Variants in ZNF804B observed in about 807,000 individuals in gnomAD.
ZNF804B encodes zinc finger protein 804B, also known as zinc finger 804B.
ZNF804B carries 80 observed loss-of-function variants against 101.4 expected under a neutral mutation model. The observed-to-expected ratio is 0.79, with a 90% CI of 0.66 to 0.95. The LOEUF is 0.95. Ranked by LOEUF, ZNF804B falls within the 40% of genes least tolerant of loss-of-function variation. ZNF804B has a pLI of 0.00. For missense variants in ZNF804B, 1,673 were observed against 1,561.9 expected, an observed-to-expected ratio of 1.07 and a Z score of -1.20; for synonymous variants, 622 against 558.8, an observed-to-expected ratio of 1.11 and a Z score of -1.59.
chr7:89,250,600 C>T (rs912701911), intron 2 of ZNF804B, among the ~76,000 whole-genome samples: 3 of 152,114 alleles, frequency 2.0e-5, no homozygotes, highest in African/African-American at 7.2e-5. Context: ...ACAAAACCAG[C>T]ATCCCCCGAT....
chr7:88,837,485 CAT>C (rs1405495599), intron 1 of ZNF804B, among the ~76,000 whole-genome samples: 1 of 151,812 alleles, frequency 6.6e-6, no homozygotes, highest in East Asian at 1.9e-4. Context: ...TCAGTGAAAT[CAT>C]ATTTTTCAGT....
intron 1 of ZNF804B, among the ~76,000 whole-genome samples, chr7:88,862,680 A>T (rs1791667430): frequency 6.6e-6 from 1 of 152,180 alleles, no homozygotes; most frequent in Non-Finnish European, 1.5e-5. Context: ...GTAATTTCCC[A>T]GTCAGAAAAT....
At position 89,334,921 on chromosome 7, in the gene ZNF804B, G is replaced by A. The variant is rs777479339; in HGVS notation, c.1939G>A (p.Glu647Lys). 1 of 1,613,872 alleles carries A rather than the reference G, an allele frequency of 6.2e-7. No homozygotes were observed. The highest frequency in any genetic ancestry group is 2.2e-5 in the East Asian group (1 of 44,854). ...ATTGATTCCCTGCAGTCCTCATTTGGAATTTGAAGATGAAAGACAATTCAA... is the reference window on the plus strand; with the variant it reads ...ATTGATTCCCTGCAGTCCTCATTTGAAATTTGAAGATGAAAGACAATTCAA... ...HKLIPCSPHL[E>K]FEDERQFNCK... The change falls in exon 4 of 4, where the codon GAA becomes AAA. Residue 647 changes from glutamate (E) to lysine (K), a missense_variant. By Grantham distance (56) the Glu-to-Lys change is moderately conservative (BLOSUM62 1). Coordinates refer to ENST00000333190, the MANE Select transcript of ZNF804B (RefSeq NM_181646.5).
Position 88,882,927 on chromosome 7 carries a change from A to T in ZNF804B, c.108+122843A>T, listed in dbSNP as rs575653224. 2.3e-4 allele frequency among the ~76,000 whole-genome samples: 35 copies of T among 152,168 alleles called. No individual in the cohort carries two copies. In the South Asian group the frequency reaches 4.2e-3, roughly 18 times the overall value. The stretch of plus-strand genomic sequence containing the variant: ...GAGTACTATGCACCTGGGTCACAGG[A>T]TCACTCATATCTCAAACCTCAGTGT... On this transcript the variant is annotated intron_variant, in intron 1 of 3. Coordinates refer to ENST00000333190, the MANE Select transcript of ZNF804B (RefSeq NM_181646.5).
At chr7:89,027,707 C>T (rs1204048687) in intron 1 of ZNF804B, among the ~76,000 whole-genome samples, 2 of 152,126 alleles carry the variant, frequency 1.3e-5, no homozygotes, top group Admixed American at 1.3e-4. Flanking sequence ...CGAAGAAGGT[C>T]ATGAAAGCTC....
chr7:89,261,136 T>A (rs1767108429), intron 2 of ZNF804B, among the ~76,000 whole-genome samples: 1 of 152,106 alleles, frequency 6.6e-6, no homozygotes, highest in East Asian at 1.9e-4. Context: ...AGCAATAGAG[T>A]AAGTACTATA....
chr7:88,877,997 C>G (rs1450468207), intron 1 of ZNF804B, among the ~76,000 whole-genome samples: 1 of 151,974 alleles, frequency 6.6e-6, no homozygotes, highest in Non-Finnish European at 1.5e-5. Context: ...CTGAAAAATA[C>G]TATTGTAAAA....
At chr7:88,865,351 G>A (rs1445336509) in intron 1 of ZNF804B, among the ~76,000 whole-genome samples, 1 of 151,926 alleles carries the variant, frequency 6.6e-6, no homozygotes, top group Non-Finnish European at 1.5e-5. Context: ...GGGCAACATA[G>A]GGAAACCTTG....
intron 1 of ZNF804B, among the ~76,000 whole-genome samples, chr7:89,204,573 G>C (rs140111535): frequency 1.3e-5 from 2 of 152,256 alleles, no homozygotes; most frequent in African/African-American, 4.8e-5. Flanking sequence ...GGGTTGCAAA[G>C]GGTTGGTCTC....
At chr7:88,923,292 A>G (rs989982736) in intron 1 of ZNF804B, among the ~76,000 whole-genome samples, 3 of 152,088 alleles carry the variant, frequency 2.0e-5, no homozygotes, top group African/African-American at 4.8e-5. Flanking sequence ...ATGATTTCTC[A>G]TCAGTGGACC....
At chr7:88,970,790 G>C (rs1409966454) in intron 1 of ZNF804B, among the ~76,000 whole-genome samples, 1 of 135,818 alleles carries the variant, frequency 7.4e-6, no homozygotes, top group Non-Finnish European at 1.6e-5. Context: ...GACACAGGAA[G>C]GGGAACATCA....
intron 1 of ZNF804B, among the ~76,000 whole-genome samples, chr7:88,786,634 A>G (rs1586901855): frequency 6.6e-6 from 1 of 152,206 alleles, no homozygotes; most frequent in African/African-American, 2.4e-5. Context: ...TATTTCAACA[A>G]AGAATAAAAT....
Position 89,334,429 on chromosome 7 carries a change from A to C in ZNF804B, c.1447A>C (p.Lys483Gln). 6.2e-7 allele frequency: 1 copy of C among 1,613,724 alleles called. No individual in the cohort carries two copies. The highest frequency in any genetic ancestry group is 8.5e-7 in the Non-Finnish European group (1 of 1,179,822). The change falls in exon 4 of 4, where the codon AAG (lysine) becomes CAG (glutamine). Residue 483 changes from lysine to glutamine, a missense_variant. Physicochemically the swap from Lys to Gln is moderately conservative, Grantham distance 53. Transcript: ENST00000333190. ...YGCNPLYFDFKLSRNTKEDHN... is the reference protein window; with the variant it reads ...YGCNPLYFDFQLSRNTKEDHN... The stretch of plus-strand genomic sequence containing the variant: ...CTGCAACCCACTGTATTTTGATTTT[A>C]AGCTTTCTCGGAACACAAAGGAAGA...
chr7:89,277,320 T>C (rs1290076973), intron 2 of ZNF804B, among the ~76,000 whole-genome samples: 1 of 148,374 alleles, frequency 6.7e-6, no homozygotes, highest in Non-Finnish European at 1.5e-5. Flanking sequence ...GTTTTTTTCT[T>C]TTTTTTTTCT....
chr7:88,816,431 C>T (rs1174443453), intron 1 of ZNF804B, among the ~76,000 whole-genome samples: 1 of 152,146 alleles, frequency 6.6e-6, no homozygotes, highest in Non-Finnish European at 1.5e-5. Flanking sequence ...AAACTACCAT[C>T]AGAGTGAACA....
At chr7:88,837,488 A>T (rs1791230951) in intron 1 of ZNF804B, among the ~76,000 whole-genome samples, 1 of 151,928 alleles carries the variant, frequency 6.6e-6, no homozygotes, top group Admixed American at 6.6e-5. Context: ...GTGAAATCAT[A>T]TTTTTCAGTG....
intron 2 of ZNF804B, among the ~76,000 whole-genome samples, chr7:89,304,981 C>G (rs542896444): frequency 6.6e-6 from 1 of 152,006 alleles, no homozygotes; most frequent in East Asian, 1.9e-4. Flanking sequence ...GCAAGACGGA[C>G]TTGCATTAGA....
intron 1 of ZNF804B, among the ~76,000 whole-genome samples, chr7:89,041,599 G>A (rs562304629): frequency 8.1e-4 from 123 of 152,172 alleles, no homozygotes; most frequent in Non-Finnish European, 1.6e-3. Flanking sequence ...CTGAGACCAC[G>A]GGGCCTTGCC....
At chr7:88,950,313 C>T (rs919647649) in intron 1 of ZNF804B, among the ~76,000 whole-genome samples, 1 of 151,868 alleles carries the variant, frequency 6.6e-6, no homozygotes, top group Admixed American at 6.6e-5. Context: ...TGTAACTAAA[C>T]TGTCTCTGCC....
Sources: gnomAD v4.1 joint callset for allele counts (sites outside exome capture counted in the v4.1 genomes callset) on GRCh38, gnomAD v4.1.1 for gene constraint, MANE v1.5 for transcripts, NCBI Gene and HGNC (gene_info 2026-07-23, HGNC 2026-07-21) for gene names.